The following MAGI2 variants were observed in gnomAD, a reference collection of about 807,000 sequenced individuals.
MAGI2 encodes the protein membrane associated guanylate kinase, WW and PDZ domain containing 2.
A neutral mutation model predicts 133.3 loss-of-function variants in MAGI2; 35 were observed. The observed-to-expected ratio is 0.26, with a 90% CI of 0.20 to 0.35. The LOEUF (loss-of-function observed/expected upper bound fraction) is 0.35. MAGI2 is among the 10% of genes least tolerant of loss of function. The pLI, the probability that MAGI2 is intolerant of heterozygous loss-of-function variation, is 1.00. For missense variants in MAGI2, 1,636 were observed against 1,863.4 expected (o/e 0.88, Z 2.25); for synonymous variants, 729 against 710.6 (o/e 1.03, Z -0.41).
At position 78,728,635 on chromosome 7, in the gene MAGI2, G is replaced by C. The variant is rs1414950527; in HGVS notation, c.419-101396C>G. ...GGCTGGAGTGCAGTGGCGGGATCTC[G>C]GCTCAGTGCAAGCTCCGCCTCCCGG... is the stretch of plus-strand genomic sequence containing the variant. On this transcript the variant is annotated intron_variant, in intron 2 of 21. Transcript: ENST00000354212. Among the ~76,000 whole-genome samples the C allele has an allele frequency of 6.4e-5, 5 of 78,552 alleles. 1 individual carries two copies. Among genetic ancestry groups the C allele is most frequent in the African/African-American group, 2.9e-4 (5 of 17,034 alleles). The allele number at this position is 78,552 out of a possible 152,430, so 51.5% of individuals were successfully genotyped here. A position where few individuals can be genotyped will look rare whatever the true frequency, so the allele number is the denominator to read the frequency against.
At chr7:78,805,721 A>C (rs1788521209) in intron 2 of MAGI2, among the ~76,000 whole-genome samples, 1 of 152,190 alleles carries the variant, frequency 6.6e-6, no homozygotes, top group Admixed American at 6.5e-5. Flanking sequence ...TGGGAAAGCC[A>C]ATCACCATGT....
intron 9 of MAGI2, among the ~76,000 whole-genome samples, chr7:78,329,814 G>A (rs1323036070): frequency 1.3e-5 from 2 of 152,112 alleles, no homozygotes; most frequent in African/African-American, 2.4e-5. Context: ...ATGGCACCTA[G>A]CCCAATTTTA....
rs573748014 is a variant in MAGI2 at position 78,075,306 on chromosome 7, C to T, written c.3706+3641G>A. 6.5e-4 allele frequency among the ~76,000 whole-genome samples: 99 copies of T among 152,148 alleles called. 1 individual carries two copies. The highest frequency in any genetic ancestry group is 2.2e-3 in the African/African-American group (92 of 41,486). On this transcript the variant is annotated intron_variant, in intron 21 of 21. Coordinates refer to ENST00000354212, the MANE Select transcript of MAGI2 (RefSeq NM_012301.4). ...CATATGGAAGCCTGCATGTGGATTCCTCCAGACCCCGCCTGTGTCTTTTCC... is the reference window on the plus strand; with the variant it reads ...CATATGGAAGCCTGCATGTGGATTCTTCCAGACCCCGCCTGTGTCTTTTCC...
chr7:78,481,650 C>A (rs1204690131), intron 6 of MAGI2, among the ~76,000 whole-genome samples: 1 of 151,768 alleles, frequency 6.6e-6, no homozygotes, highest in Non-Finnish European at 1.5e-5. Flanking sequence ...ACACACAATT[C>A]CATGGAAGAA....
intron 9 of MAGI2, among the ~76,000 whole-genome samples, chr7:78,300,615 G>A (rs1273337503): frequency 2.6e-5 from 4 of 152,180 alleles, no homozygotes; most frequent in Non-Finnish European, 2.9e-5. Context: ...GGGGAAGAAA[G>A]TTGATATGCG....
chr7:78,054,188 T>A (rs1812316995), intron 21 of MAGI2, among the ~76,000 whole-genome samples: 1 of 151,840 alleles, frequency 6.6e-6, no homozygotes, highest in Non-Finnish European at 1.5e-5. Flanking sequence ...TGCAGTGGTG[T>A]GATCTCAGCT....
At chr7:78,048,104 G>A (rs997325382) in intron 21 of MAGI2, among the ~76,000 whole-genome samples, 2 of 152,166 alleles carry the variant, frequency 1.3e-5, no homozygotes, top group African/African-American at 4.8e-5. Flanking sequence ...TGTACCAAAA[G>A]CTTTGTGGAT....
At chr7:78,738,764 C>CA (rs1002506276) in intron 2 of MAGI2, among the ~76,000 whole-genome samples, 46 of 152,188 alleles carry the variant, frequency 3.0e-4, no homozygotes, top group African/African-American at 1.1e-3. Flanking sequence ...ATATGGCTTA[C>CA]AAACGATTGT....
intron 3 of MAGI2, among the ~76,000 whole-genome samples, chr7:78,541,440 T>C (rs912402565): frequency 6.6e-6 from 1 of 152,196 alleles, no homozygotes; most frequent in Non-Finnish European, 1.5e-5. Context: ...AACACTGGCA[T>C]ATGGTCAATA....
At chr7:78,685,266 T>C (rs1816153357) in intron 2 of MAGI2, among the ~76,000 whole-genome samples, 1 of 152,230 alleles carries the variant, frequency 6.6e-6, no homozygotes, top group African/African-American at 2.4e-5. Flanking sequence ...AGCTGTCCTT[T>C]TTGTTAATGA....
intron 2 of MAGI2, among the ~76,000 whole-genome samples, chr7:78,909,984 A>G (rs1398502611): frequency 1.3e-5 from 2 of 152,192 alleles, no homozygotes; most frequent in Non-Finnish European, 1.5e-5. Flanking sequence ...TGGCCTTTGC[A>G]GGGACATGGA....
intron 2 of MAGI2, among the ~76,000 whole-genome samples, chr7:78,758,041 T>C (rs1370132038): frequency 6.6e-6 from 1 of 152,184 alleles, no homozygotes. Flanking sequence ...CTCACTTCTC[T>C]TAACACTTGA....
chr7:79,392,045 T>C (rs1333441618), intron 1 of MAGI2, among the ~76,000 whole-genome samples: 1 of 152,088 alleles, frequency 6.6e-6, no homozygotes, highest in Non-Finnish European at 1.5e-5. Context: ...TGTGTGATAT[T>C]CCCTTCCCTG....
At chr7:78,815,370 A>G (rs1584002176) in intron 2 of MAGI2, among the ~76,000 whole-genome samples, 1 of 152,224 alleles carries the variant, frequency 6.6e-6, no homozygotes, top group Non-Finnish European at 1.5e-5. Flanking sequence ...TTTAAAGAGT[A>G]ACTTTACTGA....
intron 2 of MAGI2, among the ~76,000 whole-genome samples, chr7:78,807,494 C>A (rs1788679766): frequency 6.6e-6 from 1 of 151,796 alleles, no homozygotes; most frequent in Non-Finnish European, 1.5e-5. Context: ...GTCATATAGC[C>A]CCTGGAAAAG....
chr7:78,648,905 T>C (rs539308096), intron 2 of MAGI2, among the ~76,000 whole-genome samples: 48 of 152,292 alleles, frequency 3.2e-4, no homozygotes, highest in Middle Eastern at 3.4e-3. Context: ...GATATTTTGC[T>C]ATAGAAACTT....
rs555711583 is a variant in MAGI2 at position 78,986,332 on chromosome 7, T to C, written c.418+20758A>G. On this transcript the variant is annotated intron_variant, in intron 2 of 21. Transcript: ENST00000354212. ...ATGTATTTAAGAATCTATTTTTCCT[T>C]AAATAATACACAAATGATCAAACAA... 4.6e-5 allele frequency among the ~76,000 whole-genome samples: 7 copies of C among 152,200 alleles called. No homozygotes were observed. The South Asian group carries it at 1.4e-3, about 32-fold the overall frequency.
chr7:79,415,682 A>T (rs1342535207), intron 1 of MAGI2: 5 of 152,166 alleles, frequency 3.3e-5, no homozygotes, highest in African/African-American at 1.2e-4. Flanking sequence ...CATCTGAAAC[A>T]GAGAAGATGG....
chr7:79,396,709 C>T (rs1845082770), intron 1 of MAGI2, among the ~76,000 whole-genome samples: 1 of 152,016 alleles, frequency 6.6e-6, no homozygotes, highest in Admixed American at 6.6e-5. Context: ...CTCTGACACT[C>T]AGAGTTCAAA....
Sources: allele counts gnomAD v4.1 joint callset (sites outside exome capture counted in the v4.1 genomes callset), GRCh38; gene constraint gnomAD v4.1.1; transcripts MANE v1.5; gene names NCBI Gene and HGNC (gene_info 2026-07-23, HGNC 2026-07-21).